The following CBLB variants were observed in gnomAD, a reference collection of about 807,000 sequenced individuals.
CBLB encodes the protein E3 ubiquitin-protein ligase CBL-B.
A neutral mutation model predicts 104.9 loss-of-function variants in CBLB; 31 were observed. The observed-to-expected ratio is 0.30, with a 90% CI of 0.22 to 0.40. CBLB has a LOEUF of 0.40. CBLB is among the 10% of genes least tolerant of loss of function. The pLI is 1.00. For synonymous variants in CBLB, 440 were observed against 422.6 expected, an observed-to-expected ratio of 1.04 and a Z score of -0.51; for missense variants, 1,062 against 1,214.6, an observed-to-expected ratio of 0.87 and a Z score of 1.87.
chr3:105,701,763 CAAAA>C (rs60481562), intron 12 of CBLB, among the ~76,000 whole-genome samples: 1 of 138,760 alleles, frequency 7.2e-6, no homozygotes, highest in Non-Finnish European at 1.6e-5. Context: ...GGCTTCGTCT[CAAAA>C]AAAAAAAAAA....
intron 10 of CBLB, among the ~76,000 whole-genome samples, chr3:105,717,342 T>C (rs2072049015): frequency 6.6e-6 from 1 of 152,222 alleles, no homozygotes; most frequent in Admixed American, 6.5e-5. Flanking sequence ...CAAATACTTT[T>C]CTGTCATTCT....
At chr3:105,748,837 T>C (rs562303311) in intron 5 of CBLB, among the ~76,000 whole-genome samples, 1 of 152,228 alleles carries the variant, frequency 6.6e-6, no homozygotes, top group South Asian at 2.1e-4. Flanking sequence ...ACTGGCTCCT[T>C]CTTCTGCTAG....
intron 12 of CBLB, among the ~76,000 whole-genome samples, chr3:105,700,559 G>A (rs563854868): frequency 1.3e-5 from 2 of 152,080 alleles, no homozygotes; most frequent in African/African-American, 4.8e-5. Flanking sequence ...CTCTTTTGAG[G>A]AGGAGCTCCC....
intron 5 of CBLB, among the ~76,000 whole-genome samples, chr3:105,747,664 TA>T (rs2076241600): frequency 6.6e-6 from 1 of 152,192 alleles, no homozygotes; most frequent in African/African-American, 2.4e-5. Flanking sequence ...TGTCAGCATA[TA>T]TTTTAAAAAA....
At chr3:105,812,274 T>G (rs569875048) in intron 3 of CBLB, among the ~76,000 whole-genome samples, 36 of 152,306 alleles carry the variant, frequency 2.4e-4, no homozygotes, top group African/African-American at 8.4e-4. Context: ...CCAACAAATA[T>G]TTACTGAGCA....
intron 3 of CBLB, among the ~76,000 whole-genome samples, chr3:105,848,213 G>A (rs1232049623): frequency 1.3e-5 from 2 of 151,978 alleles, no homozygotes; most frequent in Non-Finnish European, 2.9e-5. Flanking sequence ...CAACAATTTG[G>A]GAAAAATGAT....
chr3:105,832,619 C>A (rs974304598), intron 3 of CBLB, among the ~76,000 whole-genome samples: 10 of 152,206 alleles, frequency 6.6e-5, no homozygotes, highest in African/African-American at 1.9e-4. Context: ...TATTAAATTT[C>A]TTTTTCCATC....
chr3:105,866,890 A>G (rs544869387), intron 2 of CBLB, among the ~76,000 whole-genome samples: 20 of 152,358 alleles, frequency 1.3e-4, no homozygotes, highest in African/African-American at 3.8e-4. Flanking sequence ...TCTCCCATTA[A>G]CAACAAAAAA....
At chr3:105,748,662 AG>A (rs1209997720) in intron 5 of CBLB, among the ~76,000 whole-genome samples, 3 of 152,208 alleles carry the variant, frequency 2.0e-5, no homozygotes, top group Non-Finnish European at 4.4e-5. Context: ...GAAGGAAAGA[AG>A]GAAGAAGAGG....
At chr3:105,828,669 T>C (rs1363529439) in intron 3 of CBLB, among the ~76,000 whole-genome samples, 1 of 152,192 alleles carries the variant, frequency 6.6e-6, no homozygotes, top group Admixed American at 6.5e-5. Context: ...ATAATTTCAC[T>C]CTTGACCCTA....
At chr3:105,744,236 A>C (rs1240923761) in intron 6 of CBLB, among the ~76,000 whole-genome samples, 1 of 151,192 alleles carries the variant, frequency 6.6e-6, no homozygotes, top group Non-Finnish European at 1.5e-5. Context: ...TGGACAAGAA[A>C]ATTTATCAAA....
intron 3 of CBLB, among the ~76,000 whole-genome samples, chr3:105,784,586 T>G (rs1340971099): frequency 6.6e-6 from 1 of 152,208 alleles, no homozygotes; most frequent in Non-Finnish European, 1.5e-5. Flanking sequence ...AACAGTGAAG[T>G]GGCAATCTGA....
chr3:105,687,154 C>G (rs557887295), intron 13 of CBLB, among the ~76,000 whole-genome samples: 78 of 152,210 alleles, frequency 5.1e-4, no homozygotes, highest in African/African-American at 1.8e-3. Context: ...AAGATACTTT[C>G]ATTTATAATG....
chr3:105,847,526 T>C (rs920294551), intron 3 of CBLB, among the ~76,000 whole-genome samples: 1 of 152,044 alleles, frequency 6.6e-6, no homozygotes, highest in African/African-American at 2.4e-5. Flanking sequence ...GCAACATCTA[T>C]GTTTTCCTCT....
chr3:105,663,399 G>C (rs1038587310), intron 18 of CBLB, among the ~76,000 whole-genome samples: 5 of 152,142 alleles, frequency 3.3e-5, no homozygotes, highest in African/African-American at 4.8e-5. Flanking sequence ...AGGAGGTAAC[G>C]ATTGGTCAGC....
rs750933319 is a variant in CBLB at position 105,720,098 on chromosome 3, A to G, written c.1356T>C (p.Asp452=). The change falls in exon 10 of 19, where the codon GAT becomes GAC. Residue 452 remains aspartate, a synonymous_variant. Transcript: ENST00000394030. ...TCATCAAGGACTCCTCACGATCATC[A>G]TCGTCGTCCAAGTCTAGCATCGGCA... The part of the protein sequence containing the change: ...FGMPMLDLDD[D]DDREESLMMN... The G allele has an allele frequency of 6.3e-5, 102 of 1,613,942 alleles. No homozygotes were observed. The highest frequency in any genetic ancestry group is 8.4e-5 in the Non-Finnish European group (99 of 1,179,978).
chr3:105,817,479 G>T (rs1577465609), intron 3 of CBLB, among the ~76,000 whole-genome samples: 1 of 152,134 alleles, frequency 6.6e-6, no homozygotes, highest in African/African-American at 2.4e-5. Flanking sequence ...CCGGCATTTA[G>T]GAGGATGAGA....
intron 12 of CBLB, among the ~76,000 whole-genome samples, chr3:105,699,413 T>C (rs2068797745): frequency 1.3e-5 from 2 of 152,120 alleles, no homozygotes; most frequent in African/African-American, 4.8e-5. Flanking sequence ...TATTATTCCA[T>C]TTTATATAAA....
intron 9 of CBLB, among the ~76,000 whole-genome samples, chr3:105,730,743 T>A (rs1044030371): frequency 2.6e-5 from 4 of 152,106 alleles, no homozygotes; most frequent in Non-Finnish European, 4.4e-5. Flanking sequence ...TTTTCATTAA[T>A]TTAGGTGCAA....
Sources: gnomAD v4.1 joint callset for allele counts (sites outside exome capture counted in the v4.1 genomes callset) on GRCh38, gnomAD v4.1.1 for gene constraint, MANE v1.5 for transcripts, NCBI Gene and HGNC (gene_info 2026-07-23, HGNC 2026-07-21) for gene names.